The following TMEM141 variants were observed in gnomAD, a reference collection of about 807,000 sequenced individuals.
The protein encoded by TMEM141 is transmembrane protein 141.
A neutral mutation model predicts 15.9 loss-of-function variants in TMEM141; 18 were observed. The observed-to-expected ratio is 1.13, with a 90% CI of 0.78 to 1.68. TMEM141 has a LOEUF of 1.68. TMEM141 is among the 40% of genes most tolerant of loss of function. The pLI is 0.00. For missense variants in TMEM141, 161 were observed against 139.5 expected (o/e 1.15, Z -0.78); for synonymous variants, 69 against 54.0 (o/e 1.28, Z -1.22).
chr9:136,791,773 C>G lies in TMEM141; in HGVS notation c.117C>G (p.Val39=), dbSNP rs1847592458. Residue 39 remains valine (V), a synonymous_variant, in exon 2 of 5, where the codon GTC becomes GTG. Coordinates refer to ENST00000290079, the MANE Select transcript of TMEM141 (RefSeq NM_032928.4). The part of the protein sequence containing the change: ...HAFMKGVFTF[V]TGTGMAFGLQ... ...TCATGAAGGGCGTTTTCACCTTCGT[C>G]ACAGGTAGGCTGCGTCCAGGTGTCC... 6.2e-7 allele frequency: 1 copy of G among 1,613,298 alleles called. No individual in the cohort carries two copies. Among genetic ancestry groups the G allele is most frequent in the East Asian group, 2.2e-5 (1 of 44,874 alleles).
Position 136,791,989 on chromosome 9 carries a change from A to C in TMEM141, c.164A>C (p.Lys55Thr), listed in dbSNP as rs781066811. ...AFGLQMFIQR[K>T]FPYPLQWSLL... ...GGCTTGCAGATGTTCATTCAGAGGA[A>C]GTTTCCATACCCTTTGCAGTGGAGC... is the stretch of plus-strand genomic sequence containing the variant. The change falls in exon 3 of 5, where the codon AAG (lysine) becomes ACG (threonine). Residue 55 changes from lysine (K) to threonine (T), a missense_variant. Lys to Thr is a moderately conservative substitution (Grantham distance 78, BLOSUM62 -1). Transcript: ENST00000290079. 4 of 1,614,088 alleles carry C rather than the reference A, an allele frequency of 2.5e-6. No individual in the cohort carries two copies. The highest frequency in any genetic ancestry group is 3.4e-6 in the Non-Finnish European group (4 of 1,180,004).
intron 4 of TMEM141, 86 bp downstream of exon 4, chr9:136,792,444 C>A (rs1422161961): frequency 8.9e-7 from 1 of 1,124,444 alleles, no homozygotes; most frequent in Non-Finnish European, 1.3e-6. Flanking sequence ...GTGCACCATG[C>A]GATAGGCTAG....
At position 136,792,252 on chromosome 9, in the gene TMEM141, TG is replaced by T; in HGVS notation, c.208del (p.Ala70GlnfsTer9). The T allele has an allele frequency of 6.3e-7, 1 of 1,577,388 alleles. No homozygotes were observed. On this transcript the variant is annotated frameshift_variant and splice_region_variant, in exon 4 of 5. Transcript: ENST00000290079. LOFTEE classifies it high-confidence loss of function. ...LQWSLLVAVVAGSVVSYGVTR... is the reference protein window; with the variant it reads ...LQWSLLVAVVXGSVVSYGVTR... ...CCTCTTCCATTTCCTGCTCCACAGT[TG>T]CAGGCTCTGTGGTCAGCTACGGGGT...
rs1588326106 is a variant in TMEM141, at chr9:136,792,942, C to A, written c.*110C>A. ...TCCCCACACCCTAGGGTACCCCAGT[C>A]GTATCCTCTGTCCGCATGTGTGGCC... On this transcript the variant is annotated 3_prime_UTR_variant, in exon 5 of 5. Coordinates refer to ENST00000290079, the MANE Select transcript of TMEM141 (RefSeq NM_032928.4). 10 of 1,353,912 alleles carry A rather than the reference C, an allele frequency of 7.4e-6. No homozygotes were observed. In the East Asian group the frequency reaches 2.7e-4, roughly 37 times the overall value. 83.9% of individuals were successfully genotyped at this position (1,353,912 alleles called of 1,614,324 possible).
chr9:136,791,933 TC>T lies in TMEM141; in HGVS notation c.122-13del. The T allele has an allele frequency of 6.2e-7, 1 of 1,614,076 alleles. No homozygotes were observed. The highest frequency in any genetic ancestry group is 2.2e-5 in the East Asian group (1 of 44,874). On this transcript the variant is annotated splice_polypyrimidine_tract_variant and intron_variant, in intron 2 of 4. Transcript: ENST00000290079. Reference sequence around the variant, plus strand: ...CCCCGGGTACAGGTTGATGGGGACCTCGGCTCTTTGCAGGCACCGGCATGGC... The same window carrying T: ...CCCCGGGTACAGGTTGATGGGGACCTGGCTCTTTGCAGGCACCGGCATGGC...
At position 136,791,391 on chromosome 9, in the gene TMEM141, C is replaced by A; in HGVS notation, c.21C>A (p.Ser7=). The change falls in exon 1 of 5, where the codon TCC becomes TCA. Residue 7 remains serine, a synonymous_variant. Coordinates refer to ENST00000290079, the MANE Select transcript of TMEM141 (RefSeq NM_032928.4). ...CAACCATGGTGAACTTGGGTCTGTC[C>A]CGGGTGGACGACGCCGTGGCTGCCA... The part of the protein sequence containing the change: MVNLGL[S]RVDDAVAAKH... The A allele has an allele frequency of 6.4e-7, 1 of 1,561,160 alleles. No individual in the cohort carries two copies. The highest frequency in any genetic ancestry group is 8.7e-7 in the Non-Finnish European group (1 of 1,153,018).
intron 4 of TMEM141, 100 bp downstream of exon 4, chr9:136,792,458 A>G (rs1246639043): frequency 4.0e-6 from 4 of 1,002,184 alleles, no homozygotes; most frequent in South Asian, 1.5e-5. Flanking sequence ...AGGCTAGACA[A>G]GGTCCCTCCC....
chr9:136,791,674 C>A, intron 1 of TMEM141, 37 bp from the exon 2 acceptor site: 1 of 1,606,102 alleles, frequency 6.2e-7, no homozygotes, highest in Non-Finnish European at 8.5e-7. Context: ...AGGAAGAGGG[C>A]AGGGGATCGA....
chr9:136,791,890 A>C, intron 2 of TMEM141, 57 bp from the exon 3 acceptor site: 1 of 1,612,358 alleles, frequency 6.2e-7, no homozygotes, highest in Non-Finnish European at 8.5e-7. Flanking sequence ...GGGGCCTGGC[A>C]AGGTGGGCCC....
intron 3 of TMEM141, 30 bp downstream of exon 3, chr9:136,792,060 C>A: frequency 3.1e-6 from 5 of 1,604,332 alleles, no homozygotes; most frequent in Non-Finnish European, 4.3e-6. Flanking sequence ...TGCCTGGGCT[C>A]TTTGAGGGGT....
Position 136,792,238 on chromosome 9 carries a change from T to C in TMEM141, c.206-13T>C, listed in dbSNP as rs961158153. On this transcript the variant is annotated splice_polypyrimidine_tract_variant and intron_variant, in intron 3 of 4. Coordinates refer to ENST00000290079, the MANE Select transcript of TMEM141 (RefSeq NM_032928.4). ...ACAGAGGCCCCAGCCCTCTTCCATT[T>C]CCTGCTCCACAGTTGCAGGCTCTGT... is the stretch of plus-strand genomic sequence containing the variant. The C allele has an allele frequency of 4.5e-6, 7 of 1,567,000 alleles. No individual in the cohort carries two copies. In the African/African-American group the frequency reaches 8.1e-5, roughly 18 times the overall value.
In TMEM141 at chr9:136,791,787, G is replaced by C. The variant is rs373356051; in HGVS notation, c.121+10G>C. ...TTCACCTTCGTCACAGGTAGGCTGC[G>C]TCCAGGTGTCCTGCGGCTGGGAGAG... On this transcript the variant is annotated intron_variant, in intron 2 of 4. Coordinates refer to ENST00000290079, the MANE Select transcript of TMEM141 (RefSeq NM_032928.4). The C allele has an allele frequency of 1.2e-6, 2 of 1,612,470 alleles. No individual in the cohort carries two copies. The highest frequency in any genetic ancestry group is 2.7e-5 in the African/African-American group (2 of 74,898).
Sources: allele counts gnomAD v4.1 joint callset, GRCh38; gene constraint gnomAD v4.1.1; transcripts MANE v1.5; gene names NCBI Gene and HGNC (gene_info 2026-07-23, HGNC 2026-07-21).